ERBIN: variants seen among roughly 807,000 people sequenced by gnomAD.
ERBIN encodes the protein erbb2 interacting protein.
Under a neutral mutation model 158.4 loss-of-function variants are expected in ERBIN, and 60 were observed. The ratio of observed to expected loss-of-function variants is 0.38; its 90% CI spans 0.31 to 0.47. The LOEUF (loss-of-function observed/expected upper bound fraction) is 0.47, where lower values mean the gene tolerates loss of function less well. ERBIN is among the 20% of genes least tolerant of loss of function. ERBIN has a pLI of 0.99. For missense variants in ERBIN, 1,610 were observed against 1,648.0 expected (o/e 0.98, Z 0.40); for synonymous variants, 594 against 557.2 (o/e 1.07, Z -0.93).
rs557096038 is a variant in ERBIN, at chr5:66,047,286, G to T, written c.1788+748G>T. 3.9e-5 allele frequency among the ~76,000 whole-genome samples: 6 copies of T among 152,162 alleles called. No homozygotes were observed. The South Asian group carries it at 1.2e-3, about 31-fold the overall frequency. On this transcript the variant is annotated intron_variant, in intron 18 of 25. Transcript: ENST00000284037. Reference sequence around the variant, plus strand: ...GCATAATGTGTTCAAGTTTTTGTATGTTATAGCATATATCAACACAGCATC... The same window carrying T: ...GCATAATGTGTTCAAGTTTTTGTATTTTATAGCATATATCAACACAGCATC...
rs779964271 is a variant in ERBIN, at chr5:66,039,082, ATCT to A, written c.1306+605_1306+607del. On this transcript the variant is annotated intron_variant, in intron 15 of 25. Transcript: ENST00000284037. ...CACTTAAAGTAACTATTTTTTATGT[ATCT>A]TCTTTCTGACACCAGTGAAAATCTC... Among the ~76,000 whole-genome samples the A allele has an allele frequency of 1.2e-3, 186 of 151,744 alleles. 3 individuals carry two copies. The highest frequency in any genetic ancestry group is 2.5e-3 in the Non-Finnish European group (172 of 67,738).
At chr5:66,076,691 T>C (rs1762012478) in intron 24 of ERBIN, 184 bp from the exon 25 acceptor site, 1 of 609,972 alleles carries the variant, frequency 1.6e-6, no homozygotes, top group African/African-American at 1.9e-5. Flanking sequence ...TCAAGAGAAA[T>C]CACTAAAGTC....
chr5:66,043,033 T>C (rs2151202189), intron 15 of ERBIN, 44 bp from the exon 16 acceptor site: 1 of 1,417,340 alleles, frequency 7.1e-7, no homozygotes, highest in Non-Finnish European at 9.8e-7. Context: ...TTTTCCATAA[T>C]TACAGTAAAA....
At position 66,024,408 on chromosome 5, in the gene ERBIN, C is replaced by T. The variant is rs1369963938; in HGVS notation, c.775C>T (p.Leu259=). The change falls in exon 10 of 26, where the codon CTA becomes TTA. Residue 259 remains leucine, a synonymous_variant. Transcript: ENST00000284037. ...AACATGTGAAAACCTTCAAGACCTC[C>T]TATTATCAAGCAATTCACTTCAGCA... The part of the protein sequence containing the change: ...ISTCENLQDL[L]LSSNSLQQLP... 1 of 1,604,514 alleles carries T rather than the reference C, an allele frequency of 6.2e-7. No individual in the cohort carries two copies.
At chr5:66,029,316 A>C (rs186881464) in intron 14 of ERBIN, among the ~76,000 whole-genome samples, 1 of 152,336 alleles carries the variant, frequency 6.6e-6, no homozygotes, top group Admixed American at 6.5e-5. Context: ...TTTGAATTAA[A>C]AAATTAATGC....
In ERBIN at chr5:65,938,623, G is replaced by T. The variant is rs945420241; in HGVS notation, c.-58+11817G>T. ...GCTGGATTGCAGTGGCGCAATCTGG[G>T]CTCATTGCAACCTCCACCTCCTGGG... On this transcript the variant is annotated intron_variant, in intron 1 of 25. Transcript: ENST00000284037. 4.1e-4 allele frequency among the ~76,000 whole-genome samples: 63 copies of T among 152,218 alleles called. 1 individual carries two copies. The highest frequency in any genetic ancestry group is 1.5e-3 in the African/African-American group (61 of 41,534).
Position 66,028,274 on chromosome 5 carries a change from A to T in ERBIN, c.1137A>T (p.Arg379Ser), listed in dbSNP as rs1180840155. 1.2e-6 allele frequency: 2 copies of T among 1,606,002 alleles called. No individual in the cohort carries two copies. The highest frequency in any genetic ancestry group is 1.7e-6 in the Non-Finnish European group (2 of 1,175,542). Reference sequence around the variant, plus strand: ...TTTTGTTTGTATTTTTTTCCTACAGATTAAAGAATTTACCCTTTAGCTTTA... The same window carrying T: ...TTTTGTTTGTATTTTTTTCCTACAGTTTAAAGAATTTACCCTTTAGCTTTA... ...KLKVINLSDN[R>S]LKNLPFSFTK... Residue 379 changes from arginine to serine, a missense_variant and splice_region_variant, in exon 14 of 26, where the codon AGA becomes AGT. Around this residue, in one of 2 missense-constraint regions of ERBIN, gnomAD observed 596 missense variants for 711.9 expected, o/e 0.84. Coordinates refer to ENST00000284037, the MANE Select transcript of ERBIN (RefSeq NM_001253697.2).
intron 1 of ERBIN, among the ~76,000 whole-genome samples, chr5:65,960,678 A>C (rs152996): frequency 6.6e-6 from 1 of 151,978 alleles, no homozygotes; most frequent in Non-Finnish European, 1.5e-5. Context: ...ACCAAATTAT[A>C]ATTAAGAGAG....
intron 1 of ERBIN, among the ~76,000 whole-genome samples, chr5:65,978,911 A>G (rs1750335043): frequency 1.3e-5 from 2 of 152,180 alleles, no homozygotes; most frequent in South Asian, 4.1e-4. Flanking sequence ...CCAAAAAAGT[A>G]TTTGGAACTG....
At chr5:66,019,131 G>T (rs922656539) in intron 7 of ERBIN, among the ~76,000 whole-genome samples, 2 of 152,096 alleles carry the variant, frequency 1.3e-5, no homozygotes, top group African/African-American at 4.8e-5. Flanking sequence ...GATACATGTT[G>T]TCTGTGAACA....
At chr5:66,046,205 G>C in intron 17 of ERBIN, 148 bp from the exon 18 acceptor site, 1 of 426,610 alleles carries the variant, frequency 2.3e-6, no homozygotes, top group Non-Finnish European at 4.1e-6. Context: ...TTATCTGTGA[G>C]TGTCACAGGT....
chr5:65,932,261 C>G, intron 1 of ERBIN, among the ~76,000 whole-genome samples: 1 of 150,676 alleles, frequency 6.6e-6, no homozygotes, highest in Middle Eastern at 3.5e-3. Context: ...ATTGCCTGAA[C>G]TCGGGAGGTG....
At chr5:66,047,275 A>C (rs1223715553) in intron 18 of ERBIN, among the ~76,000 whole-genome samples, 2 of 152,174 alleles carry the variant, frequency 1.3e-5, no homozygotes, top group African/African-American at 4.8e-5. Flanking sequence ...AATGTGTTCA[A>C]GTTTTTGTAT....
intron 21 of ERBIN, among the ~76,000 whole-genome samples, chr5:66,067,770 A>AT (rs1761141559): frequency 6.6e-6 from 1 of 152,096 alleles, no homozygotes; most frequent in Non-Finnish European, 1.5e-5. Context: ...TTTAAAAGTT[A>AT]TACTCACCAA....
intron 1 of ERBIN, among the ~76,000 whole-genome samples, chr5:65,965,387 T>TTG (rs1561304952): frequency 2.0e-4 from 1 of 5,102 alleles, no homozygotes; most frequent in East Asian, 2.1e-3. Context: ...TTGTTGTTTT[T>TTG]TTTTTTTTTT....
chr5:65,978,715 G>A (rs1159458453), intron 1 of ERBIN, among the ~76,000 whole-genome samples: 2 of 152,218 alleles, frequency 1.3e-5, no homozygotes, highest in African/African-American at 4.8e-5. Flanking sequence ...GTGGGACTCT[G>A]ACAGAGCCTC....
At chr5:65,973,316 T>G (rs1749477020) in intron 1 of ERBIN, among the ~76,000 whole-genome samples, 1 of 151,126 alleles carries the variant, frequency 6.6e-6, no homozygotes, top group South Asian at 2.1e-4. Context: ...GACGAGTTAA[T>G]GGGTGCAGCA....
At chr5:66,074,537 A>C (rs971082704) in intron 22 of ERBIN, among the ~76,000 whole-genome samples, 1 of 152,330 alleles carries the variant, frequency 6.6e-6, no homozygotes, top group African/African-American at 2.4e-5. Flanking sequence ...ATAAATTTGG[A>C]AAGAATTTTA....
intron 6 of ERBIN, among the ~76,000 whole-genome samples, chr5:66,014,422 T>C (rs962451878): frequency 6.6e-6 from 1 of 152,210 alleles, no homozygotes; most frequent in Non-Finnish European, 1.5e-5. Flanking sequence ...ATTGATACTT[T>C]GGGATATTCA....
Sources: allele counts gnomAD v4.1 joint callset (sites outside exome capture counted in the v4.1 genomes callset), GRCh38; gene constraint gnomAD v4.1.1; regional missense constraint gnomAD v4.1.1; transcripts MANE v1.5; gene names NCBI Gene and HGNC (gene_info 2026-07-23, HGNC 2026-07-21).